The following PRKG1 variants were observed in gnomAD, a reference collection of about 807,000 sequenced individuals.
PRKG1 encodes cGMP-dependent protein kinase 1.
A neutral mutation model predicts 88.1 loss-of-function variants in PRKG1; 35 were observed. That is an observed-to-expected ratio of 0.40 (90% CI 0.30 to 0.53). The LOEUF (loss-of-function observed/expected upper bound fraction) is 0.53. Among genes scored for constraint, PRKG1 ranks in the 20% least tolerant of loss-of-function variants. PRKG1 has a pLI of 0.59. For missense variants in PRKG1, 540 were observed against 839.8 expected, an observed-to-expected ratio of 0.64 and a Z score of 4.41; for synonymous variants, 303 against 292.5, an observed-to-expected ratio of 1.04 and a Z score of -0.37.
rs376304848 is a variant in PRKG1, at chr10:51,339,008, C to T, written c.479-128715C>T. Among the ~76,000 whole-genome samples, 4 of 152,252 alleles carry T rather than the reference C, an allele frequency of 2.6e-5. No homozygotes were observed. The East Asian group carries it at 7.7e-4, about 29-fold the overall frequency. Reference sequence around the variant, plus strand: ...AGCCCTGGGTAGCATATATCCATTTCACTGTCACATGTAAGTATTCATTAA... The same window carrying T: ...AGCCCTGGGTAGCATATATCCATTTTACTGTCACATGTAAGTATTCATTAA... On this transcript the variant is annotated intron_variant, in intron 2 of 17. Coordinates refer to ENST00000373980, the MANE Select transcript of PRKG1 (RefSeq NM_006258.4).
intron 1 of PRKG1, among the ~76,000 whole-genome samples, chr10:51,100,153 C>T (rs1844643233): frequency 6.6e-6 from 1 of 152,120 alleles, no homozygotes; most frequent in African/African-American, 2.4e-5. Context: ...CTCGGCCTCC[C>T]AAAGTGCTGT....
intron 2 of PRKG1, among the ~76,000 whole-genome samples, chr10:51,334,821 T>C (rs148128246): frequency 2.2e-3 from 327 of 152,020 alleles, no homozygotes; most frequent in African/African-American, 7.5e-3. Context: ...GGAGCCCTAA[T>C]TAGAGGAGAG....
intron 8 of PRKG1, among the ~76,000 whole-genome samples, chr10:52,137,722 CT>C (rs1331229464): frequency 1.3e-5 from 2 of 151,794 alleles, no homozygotes; most frequent in Non-Finnish European, 2.9e-5. Context: ...GAAAAAAATT[CT>C]ATGCATATTC....
chr10:51,777,259 A>T (rs1345472657), intron 3 of PRKG1, among the ~76,000 whole-genome samples: 1 of 152,174 alleles, frequency 6.6e-6, no homozygotes, highest in Admixed American at 6.6e-5. Flanking sequence ...ATGCATTATT[A>T]TGTCTATTAC....
intron 4 of PRKG1, among the ~76,000 whole-genome samples, chr10:51,850,187 T>A (rs777609636): frequency 6.6e-6 from 1 of 152,210 alleles, no homozygotes; most frequent in Non-Finnish European, 1.5e-5. Context: ...AATATATATA[T>A]TTTTTTGAGA....
chr10:52,225,193 G>T (rs1367204559), intron 9 of PRKG1, among the ~76,000 whole-genome samples: 1 of 151,990 alleles, frequency 6.6e-6, no homozygotes, highest in African/African-American at 2.4e-5. Context: ...GAGTAAGGTG[G>T]TATTGCATTG....
chr10:51,528,741 A>G (rs577595837), intron 3 of PRKG1, among the ~76,000 whole-genome samples: 2 of 152,148 alleles, frequency 1.3e-5, no homozygotes, highest in Non-Finnish European at 1.5e-5. Context: ...GAGTTACTGC[A>G]TTAACCATGC....
intron 2 of PRKG1, among the ~76,000 whole-genome samples, chr10:51,401,458 T>C (rs530960834): frequency 1.4e-4 from 21 of 152,312 alleles, no homozygotes; most frequent in African/African-American, 4.8e-4. Context: ...GTTTGCTTCC[T>C]TTTCCATATT....
chr10:51,249,198 T>C (rs1322821325), intron 2 of PRKG1, among the ~76,000 whole-genome samples: 3 of 151,880 alleles, frequency 2.0e-5, no homozygotes, highest in African/African-American at 7.2e-5. Context: ...AAAATTTTAG[T>C]TTAAAAAGTT....
Position 51,241,443 on chromosome 10 carries a change from A to T in PRKG1, c.478+88113A>T, listed in dbSNP as rs140637822. 1.3e-4 allele frequency among the ~76,000 whole-genome samples: 20 copies of T among 152,342 alleles called. No homozygotes were observed. The East Asian group carries it at 3.3e-3, about 25-fold the overall frequency. Reference sequence around the variant, plus strand: ...AGAGGAAAGATAATCACACAATTTAAGACGAGGAAGCTCATCTTAATTTAA... The same window carrying T: ...AGAGGAAAGATAATCACACAATTTATGACGAGGAAGCTCATCTTAATTTAA... On this transcript the variant is annotated intron_variant, in intron 2 of 17. Coordinates refer to ENST00000373980, the MANE Select transcript of PRKG1 (RefSeq NM_006258.4).
intron 3 of PRKG1, among the ~76,000 whole-genome samples, chr10:51,705,254 A>G (rs570888174): frequency 2.0e-5 from 3 of 152,236 alleles, no homozygotes; most frequent in African/African-American, 4.8e-5. Flanking sequence ...TTTGGTACTC[A>G]TTATCTTCTA....
At position 51,273,105 on chromosome 10, in the gene PRKG1, C is replaced by T. The variant is rs112100975; in HGVS notation, c.478+119775C>T. On this transcript the variant is annotated intron_variant, in intron 2 of 17. Transcript: ENST00000373980. The stretch of plus-strand genomic sequence containing the variant: ...GTGCCCTTGCCTCTGCATCACTGGG[C>T]ATGGAGTCTTCTTAAGCATTAAGAG... Among the ~76,000 whole-genome samples the T allele has an allele frequency of 6.5e-3, 987 of 152,226 alleles. 8 individuals are homozygous for T. The highest frequency in any genetic ancestry group is 0.022 in the African/African-American group (898 of 41,544).
chr10:51,969,174 T>C (rs191556164), intron 5 of PRKG1, among the ~76,000 whole-genome samples: 4 of 152,292 alleles, frequency 2.6e-5, no homozygotes, highest in African/African-American at 9.6e-5. Flanking sequence ...TGGGTAAAAA[T>C]GGTTGGTAAA....
At chr10:51,137,357 G>A (rs1174675098) in intron 1 of PRKG1, among the ~76,000 whole-genome samples, 2 of 152,100 alleles carry the variant, frequency 1.3e-5, no homozygotes, top group African/African-American at 4.8e-5. Flanking sequence ...ATATATGACA[G>A]TAAATATACC....
intron 4 of PRKG1, among the ~76,000 whole-genome samples, chr10:51,890,136 G>T (rs1841681431): frequency 6.6e-6 from 1 of 152,144 alleles, no homozygotes; most frequent in African/African-American, 2.4e-5. Context: ...CCTTGCCCAT[G>T]CCTATGTCCT....
chr10:52,245,990 A>T (rs2132389572), intron 9 of PRKG1, among the ~76,000 whole-genome samples: 1 of 152,188 alleles, frequency 6.6e-6, no homozygotes, highest in African/African-American at 2.4e-5. Context: ...TGCTTTGTAA[A>T]ATAATGCTGA....
chr10:51,442,640 A>T (rs1839151236), intron 2 of PRKG1, among the ~76,000 whole-genome samples: 1 of 152,138 alleles, frequency 6.6e-6, no homozygotes, highest in Admixed American at 6.6e-5. Flanking sequence ...ATTAAAATAA[A>T]TGAGGCTAAT....
At chr10:51,030,193 A>G (rs981593167) in intron 1 of PRKG1, among the ~76,000 whole-genome samples, 4 of 151,810 alleles carry the variant, frequency 2.6e-5, no homozygotes, top group African/African-American at 4.8e-5. Flanking sequence ...ACCAATGACT[A>G]TATTTACTGT....
rs150361797 is a variant in PRKG1 at position 51,139,264 on chromosome 10, A to C, written c.312-13900A>C. 3.3e-5 allele frequency among the ~76,000 whole-genome samples: 5 copies of C among 152,334 alleles called. No individual in the cohort carries two copies. In the East Asian group the frequency reaches 9.6e-4, roughly 29 times the overall value. On this transcript the variant is annotated intron_variant, in intron 1 of 17. Coordinates refer to ENST00000373980, the MANE Select transcript of PRKG1 (RefSeq NM_006258.4). ...TTTAAAAACTAGCACAGTGGAGAGC[A>C]GTGTTTATTATTGCTAGACTGAAGC...
Sources: gnomAD v4.1 joint callset for allele counts (sites outside exome capture counted in the v4.1 genomes callset) on GRCh38, gnomAD v4.1.1 for gene constraint, MANE v1.5 for transcripts, NCBI Gene and HGNC (gene_info 2026-07-23, HGNC 2026-07-21) for gene names.